The following KANK1 variants were observed in gnomAD, a reference collection of about 807,000 sequenced individuals.
KANK1 encodes KN motif and ankyrin repeat domains 1.
In KANK1, 109 loss-of-function variants were observed where a neutral mutation model predicts 106.2. That is an observed-to-expected ratio of 1.03 (90% CI 0.88 to 1.20). The LOEUF is 1.20. KANK1 is among the 50% of genes most tolerant of loss of function. The pLI is 0.00. For missense variants in KANK1, 2,399 were observed against 1,710.7 expected (o/e 1.40, Z -7.10); for synonymous variants, 873 against 652.2 (o/e 1.34, Z -5.16).
At chr9:663,390 C>T (rs1177169704) in intron 1 of KANK1, among the ~76,000 whole-genome samples, 3 of 152,162 alleles carry the variant, frequency 2.0e-5, no homozygotes, top group African/African-American at 7.2e-5. Flanking sequence ...AGGTGTCTGC[C>T]AGGGTCTGTT....
chr9:715,833 G>A (rs942089051), intron 3 of KANK1, among the ~76,000 whole-genome samples: 93 of 152,214 alleles, frequency 6.1e-4, no homozygotes, highest in African/African-American at 2.1e-3. Context: ...AATGAACGCA[G>A]AGTATTCCAT....
At chr9:684,515 G>A (rs1818169325) in intron 2 of KANK1, 1 of 985,386 alleles carries the variant, frequency 1.0e-6, no homozygotes, top group Non-Finnish European at 1.2e-6. Flanking sequence ...GGTTAAAACA[G>A]CCCTTCCTAC....
In KANK1 at chr9:516,951, C is replaced by T. The variant is rs144852292; in HGVS notation, c.-84+12197C>T. Among the ~76,000 whole-genome samples the T allele has an allele frequency of 4.0e-5, 6 of 149,718 alleles. No homozygotes were observed. The East Asian group carries it at 1.0e-3, about 25-fold the overall frequency. ...CCTAATGAGGTTTGGCCCCAGATGC[C>T]CTGCCAGGTGTGCATCTGAGTGTGG... On this transcript the variant is annotated intron_variant, in intron 1 of 11. Transcript: ENST00000382297.
Position 688,406 on chromosome 9 carries a change from G to A in KANK1, c.37+11397G>A, listed in dbSNP as rs118150766. ...AGATCAGTTGAAGTCAGGAGTTTGAGATCTGCCTGGCCAACGGGGTGAAAC... is the reference window on the plus strand; with the variant it reads ...AGATCAGTTGAAGTCAGGAGTTTGAAATCTGCCTGGCCAACGGGGTGAAAC... On this transcript the variant is annotated intron_variant, in intron 2 of 11. Transcript: ENST00000382297. 1.1e-3 allele frequency among the ~76,000 whole-genome samples: 160 copies of A among 152,342 alleles called. 7 individuals are homozygous for A. The East Asian group carries it at 0.027, about 26-fold the overall frequency.
intron 1 of KANK1, among the ~76,000 whole-genome samples, chr9:600,460 G>C (rs1827458522): frequency 6.6e-6 from 1 of 151,810 alleles, no homozygotes; most frequent in African/African-American, 2.4e-5. Flanking sequence ...GGGTATGTCT[G>C]ACTCTTTTCA....
rs1311094062 is a variant in KANK1 at position 745,238 on chromosome 9, G to C, written c.*3G>C. 2 of 1,614,052 alleles carry C rather than the reference G, an allele frequency of 1.2e-6. No individual in the cohort carries two copies. The highest frequency in any genetic ancestry group is 2.2e-5 in the East Asian group (1 of 44,878). On this transcript the variant is annotated 3_prime_UTR_variant, in exon 12 of 12. Transcript: ENST00000382297. ...CCCACCGAGGTTCATTTGATTGATT[G>C]TATGCAAATAGCCCTTTATTTACAT...
chr9:691,909 G>A (rs56694848), intron 2 of KANK1, among the ~76,000 whole-genome samples: 26,278 of 151,276 alleles, frequency 0.17, 2,722 homozygotes, highest in Non-Finnish European at 0.23. Flanking sequence ...GAGCCACCAT[G>A]CCCCCCAAAA....
intron 2 of KANK1, among the ~76,000 whole-genome samples, chr9:683,626 G>A (rs1213017237): frequency 6.6e-6 from 1 of 152,150 alleles, no homozygotes; most frequent in Non-Finnish European, 1.5e-5. Flanking sequence ...CAAGTGAAAA[G>A]GATGTAGTTC....
intron 1 of KANK1, among the ~76,000 whole-genome samples, chr9:592,476 A>G (rs1198788493): frequency 7.5e-6 from 1 of 133,044 alleles, no homozygotes; most frequent in Non-Finnish European, 1.6e-5. Flanking sequence ...TTCTGTGAGC[A>G]CCCCGATCCC....
chr9:602,173 T>C (rs1157031491), intron 1 of KANK1, among the ~76,000 whole-genome samples: 1 of 151,986 alleles, frequency 6.6e-6, no homozygotes, highest in Non-Finnish European at 1.5e-5. Context: ...TAGGATAGCA[T>C]TAGCATCCAG....
intron 8 of KANK1, among the ~76,000 whole-genome samples, chr9:740,570 C>T (rs1362799854): frequency 2.6e-5 from 4 of 152,126 alleles, no homozygotes; most frequent in African/African-American, 7.2e-5. Flanking sequence ...GGAAGCTTAC[C>T]GTTGTTTCTC....
At chr9:674,063 T>C (rs1399128386) in intron 1 of KANK1, 2 of 152,144 alleles carry the variant, frequency 1.3e-5, no homozygotes, top group African/African-American at 4.8e-5. Flanking sequence ...AGACATTCAC[T>C]CCTATTCTTA....
Position 712,064 on chromosome 9 carries a change from T to A in KANK1, c.1298T>A (p.Met433Lys), listed in dbSNP as rs1826277364. 1 of 1,613,926 alleles carries A rather than the reference T, an allele frequency of 6.2e-7. No individual in the cohort carries two copies. Among genetic ancestry groups the A allele is most frequent in the Non-Finnish European group, 8.5e-7 (1 of 1,179,930 alleles). Residue 433 changes from methionine (M) to lysine (K), a missense_variant, in exon 3 of 12, where the codon ATG becomes AAG. By Grantham distance (95) the Met-to-Lys change is moderately conservative. Coordinates refer to ENST00000382297, the MANE Select transcript of KANK1 (RefSeq NM_015158.5). ...GCAGCTGTAGGGACACTTGTTGAGA[T>A]GAGAAATTGTGGGGTCAGCGTGACA... ...KDAAVGTLVE[M>K]RNCGVSVTEA...
chr9:667,382 A>T (rs369936197), intron 1 of KANK1, among the ~76,000 whole-genome samples: 2 of 151,652 alleles, frequency 1.3e-5, no homozygotes, highest in East Asian at 3.9e-4. Context: ...GTTGATCTTC[A>T]GTAATGTTTT....
intron 3 of KANK1, among the ~76,000 whole-genome samples, chr9:491,287 T>TTTTG (rs1489133695): frequency 0.011 from 1,630 of 150,038 alleles, 34 homozygotes; most frequent in African/African-American, 0.037. Context: ...TTTTTTTTTT[T>TTTTG]AGACAGAGTC....
At chr9:740,958 T>C (rs374164047) in intron 9 of KANK1, 24 bp downstream of exon 9, 9 of 1,612,966 alleles carry the variant, frequency 5.6e-6, no homozygotes, top group Admixed American at 1.7e-5. Flanking sequence ...GTTCCTGTGC[T>C]CAGGAATGCA....
At chr9:679,069 T>G (rs1408519069) in intron 2 of KANK1, among the ~76,000 whole-genome samples, 1 of 152,198 alleles carries the variant, frequency 6.6e-6, no homozygotes, top group East Asian at 1.9e-4. Context: ...GCTGTAACTT[T>G]TCCTTCCCAC....
chr9:623,189 A>G (rs1281310440), intron 1 of KANK1, among the ~76,000 whole-genome samples: 11 of 152,088 alleles, frequency 7.2e-5, no homozygotes, highest in Non-Finnish European at 1.5e-4. Context: ...ATAATATACG[A>G]GAAACTCGTA....
At chr9:631,182 G>A (rs1157958522) in intron 1 of KANK1, among the ~76,000 whole-genome samples, 1 of 152,036 alleles carries the variant, frequency 6.6e-6, no homozygotes, top group Non-Finnish European at 1.5e-5. Flanking sequence ...TGAGACAAAG[G>A]GCATGAGTTT....
Sources: gnomAD v4.1 joint callset for allele counts (sites outside exome capture counted in the v4.1 genomes callset) on GRCh38, gnomAD v4.1.1 for gene constraint, MANE v1.5 for transcripts, NCBI Gene and HGNC (gene_info 2026-07-23, HGNC 2026-07-21) for gene names.